Variants in CNTNAP2 observed in about 807,000 individuals in gnomAD.
CNTNAP2 encodes contactin associated protein 2, also known as contactin-associated protein-like 2.
In CNTNAP2, 98 loss-of-function variants were observed where a neutral mutation model predicts 155.2. The ratio of observed to expected loss-of-function variants is 0.63; its 90% confidence interval spans 0.54 to 0.75. The LOEUF (loss-of-function observed/expected upper bound fraction) is 0.75, where lower values mean the gene tolerates loss of function less well. CNTNAP2 is among the 30% of genes least tolerant of loss of function. The pLI is 0.00. For synonymous variants in CNTNAP2, 651 were observed against 631.2 expected, an observed-to-expected ratio of 1.03 and a Z score of -0.47; for missense variants, 1,727 against 1,688.1, an observed-to-expected ratio of 1.02 and a Z score of -0.40.
chr7:146,865,915 A>C (rs555290040), intron 3 of CNTNAP2, among the ~76,000 whole-genome samples: 1 of 152,298 alleles, frequency 6.6e-6, no homozygotes, highest in East Asian at 1.9e-4. Flanking sequence ...TTTTCCTTGA[A>C]AAGGAATCCT....
At chr7:146,467,316 C>T (rs1183362124) in intron 1 of CNTNAP2, among the ~76,000 whole-genome samples, 3 of 152,038 alleles carry the variant, frequency 2.0e-5, no homozygotes, top group Non-Finnish European at 4.4e-5. Context: ...GTGATGGAGT[C>T]GTTGACATGA....
chr7:147,156,571 C>A lies in CNTNAP2; in HGVS notation c.1348+24062C>A, dbSNP rs146382318. 1.2e-3 allele frequency among the ~76,000 whole-genome samples: 188 copies of A among 152,238 alleles called. 2 individuals are homozygous for A. Among genetic ancestry groups the A allele is most frequent in the African/African-American group, 4.1e-3 (171 of 41,552 alleles). On this transcript the variant is annotated intron_variant, in intron 8 of 23. Coordinates refer to ENST00000361727, the MANE Select transcript of CNTNAP2 (RefSeq NM_014141.6). ...CTGCATATGCACACTGTGCCTTAAACCATTCAATGTGCTGTCATTGATGTC... is the reference window on the plus strand; with the variant it reads ...CTGCATATGCACACTGTGCCTTAAAACATTCAATGTGCTGTCATTGATGTC...
intron 1 of CNTNAP2, among the ~76,000 whole-genome samples, chr7:146,201,929 A>G (rs1798869068): frequency 6.6e-6 from 1 of 151,926 alleles, no homozygotes; most frequent in South Asian, 2.1e-4. Context: ...TTAGTGATAC[A>G]GCAACAACAC....
chr7:148,402,693 C>T (rs982517267), intron 22 of CNTNAP2, among the ~76,000 whole-genome samples: 3 of 152,150 alleles, frequency 2.0e-5, no homozygotes, highest in Non-Finnish European at 4.4e-5. Context: ...CCCGGACCCA[C>T]TGTAAAAATA....
chr7:146,280,771 T>G (rs888915331), intron 1 of CNTNAP2, among the ~76,000 whole-genome samples: 1 of 152,164 alleles, frequency 6.6e-6, no homozygotes, highest in Non-Finnish European at 1.5e-5. Flanking sequence ...CCAGCCAGCT[T>G]TACTAACTCC....
At chr7:147,791,189 T>C (rs945820514) in intron 13 of CNTNAP2, among the ~76,000 whole-genome samples, 5 of 152,200 alleles carry the variant, frequency 3.3e-5, no homozygotes, top group Non-Finnish European at 7.3e-5. Flanking sequence ...ATGCCTCTGA[T>C]GACATTTTCA....
intron 14 of CNTNAP2, among the ~76,000 whole-genome samples, chr7:147,947,870 A>T (rs1800848605): frequency 6.6e-6 from 1 of 152,142 alleles, no homozygotes. Context: ...CATTTTTTTA[A>T]AATGATTTAT....
At chr7:146,749,241 C>CTA (rs947775620) in intron 1 of CNTNAP2, among the ~76,000 whole-genome samples, 2 of 151,916 alleles carry the variant, frequency 1.3e-5, no homozygotes, top group African/African-American at 4.8e-5. Flanking sequence ...ATATTTGTAT[C>CTA]TATACATATA....
intron 13 of CNTNAP2, among the ~76,000 whole-genome samples, chr7:147,793,643 T>C (rs931233697): frequency 1.4e-4 from 22 of 152,094 alleles, no homozygotes; most frequent in African/African-American, 4.8e-4. Context: ...TGCTTTTGGC[T>C]GTTCTGAGTC....
At chr7:146,580,625 CTGTAAG>C (rs1165706194) in intron 1 of CNTNAP2, among the ~76,000 whole-genome samples, 1 of 152,064 alleles carries the variant, frequency 6.6e-6, no homozygotes, top group African/African-American at 2.4e-5. Context: ...GCCCACACTC[CTGTAAG>C]TGTATGTTTC....
chr7:146,940,838 A>G (rs192981366), intron 3 of CNTNAP2, among the ~76,000 whole-genome samples: 5,851 of 124,182 alleles, frequency 0.047, 125 homozygotes, highest in South Asian at 0.09. Context: ...TATAGAGAGA[A>G]AGAGAGAGAA....
At chr7:146,791,714 T>G (rs1802676839) in intron 2 of CNTNAP2, among the ~76,000 whole-genome samples, 1 of 152,208 alleles carries the variant, frequency 6.6e-6, no homozygotes, top group Non-Finnish European at 1.5e-5. Flanking sequence ...CTCAGCAATT[T>G]ATCAATGAAA....
At chr7:147,942,472 C>T (rs1800742936) in intron 14 of CNTNAP2, among the ~76,000 whole-genome samples, 1 of 152,164 alleles carries the variant, frequency 6.6e-6, no homozygotes, top group Non-Finnish European at 1.5e-5. Context: ...AAATTGAGAT[C>T]ATCCCACCTG....
chr7:146,703,857 T>A (rs142290206), intron 1 of CNTNAP2, among the ~76,000 whole-genome samples: 38 of 152,248 alleles, frequency 2.5e-4, no homozygotes, highest in African/African-American at 8.9e-4. Flanking sequence ...AGCACTTCAT[T>A]CCTGAAATTT....
intron 13 of CNTNAP2, among the ~76,000 whole-genome samples, chr7:147,701,520 T>C (rs1330967695): frequency 1.3e-5 from 2 of 152,206 alleles, no homozygotes; most frequent in Non-Finnish European, 2.9e-5. Flanking sequence ...TTAAATTACA[T>C]ATCCAAACAG....
At chr7:146,743,249 A>G (rs1239554019) in intron 1 of CNTNAP2, among the ~76,000 whole-genome samples, 1 of 152,312 alleles carries the variant, frequency 6.6e-6, no homozygotes, top group Admixed American at 6.5e-5. Context: ...GTCAGAGTCC[A>G]TAGGAGGTAC....
At chr7:148,290,582 T>C (rs1199905352) in intron 21 of CNTNAP2, among the ~76,000 whole-genome samples, 2 of 152,244 alleles carry the variant, frequency 1.3e-5, no homozygotes, top group Non-Finnish European at 2.9e-5. Flanking sequence ...GATCAGGTTC[T>C]AAATAATGCA....
At chr7:147,764,533 C>G (rs1227822450) in intron 13 of CNTNAP2, among the ~76,000 whole-genome samples, 1 of 152,070 alleles carries the variant, frequency 6.6e-6, no homozygotes. Context: ...GCAAAGGGTG[C>G]CTGAATCACA....
intron 3 of CNTNAP2, among the ~76,000 whole-genome samples, chr7:146,953,806 A>G (rs1210189474): frequency 6.6e-6 from 1 of 151,920 alleles, no homozygotes; most frequent in South Asian, 2.1e-4. Context: ...ATATAACACA[A>G]ACTTGTCAAT....
Sources: gnomAD v4.1 joint callset for allele counts (sites outside exome capture counted in the v4.1 genomes callset) on GRCh38, gnomAD v4.1.1 for gene constraint, MANE v1.5 for transcripts, NCBI Gene and HGNC (gene_info 2026-07-23, HGNC 2026-07-21) for gene names.